Variants in ENOX1 observed in about 807,000 individuals in gnomAD.
ENOX1 encodes candidate growth-related and time keeping constitutive hydroquinone (NADH) oxidase.
Under a neutral mutation model 82.5 loss-of-function variants are expected in ENOX1, and 42 were observed. The ratio of observed to expected loss-of-function variants is 0.51; its 90% CI spans 0.40 to 0.66. The LOEUF is 0.66. Ranked by LOEUF, ENOX1 falls within the 30% of genes least tolerant of loss-of-function variation. The probability of loss-of-function intolerance (pLI) is 0.00; values close to 1 mark genes in which losing one functional copy is unlikely to be tolerated. For missense variants in ENOX1, 608 were observed against 811.6 expected, an observed-to-expected ratio of 0.75 and a Z score of 3.05; for synonymous variants, 271 against 282.2, an observed-to-expected ratio of 0.96 and a Z score of 0.40.
intron 9 of ENOX1, among the ~76,000 whole-genome samples, chr13:43,333,478 C>T (rs567541840): frequency 2.0e-5 from 3 of 152,294 alleles, no homozygotes; most frequent in South Asian, 4.2e-4. Context: ...GTTGTTGGCT[C>T]GATGCTAAGT....
intron 8 of ENOX1, among the ~76,000 whole-genome samples, chr13:43,348,031 C>A (rs560027786): frequency 6.6e-6 from 1 of 152,180 alleles, no homozygotes; most frequent in African/African-American, 2.4e-5. Flanking sequence ...CGTCCGTCCC[C>A]GCTTCCTTTG....
intron 12 of ENOX1, among the ~76,000 whole-genome samples, chr13:43,273,475 A>T (rs2044817072): frequency 6.6e-6 from 1 of 152,162 alleles, no homozygotes; most frequent in African/African-American, 2.4e-5. Flanking sequence ...TGCTTCCATG[A>T]CTTATGACAA....
chr13:43,554,188 T>C (rs2079333410), intron 2 of ENOX1, among the ~76,000 whole-genome samples: 1 of 152,154 alleles, frequency 6.6e-6, no homozygotes, highest in Admixed American at 6.5e-5. Flanking sequence ...CCAAAGAGAT[T>C]TTCCATCCCT....
intron 2 of ENOX1, among the ~76,000 whole-genome samples, chr13:43,521,441 G>A (rs1194962370): frequency 6.6e-6 from 1 of 152,036 alleles, no homozygotes; most frequent in Non-Finnish European, 1.5e-5. Flanking sequence ...CAACCACTGA[G>A]CTGGGCTGGG....
chr13:43,518,187 T>C (rs9533517), intron 2 of ENOX1, among the ~76,000 whole-genome samples: 52,850 of 151,904 alleles, frequency 0.35, 10,892 homozygotes, highest in East Asian at 0.81. Flanking sequence ...AACATGTTGT[T>C]CTCTCTTTTA....
At chr13:43,359,623 C>T (rs2050369745) in intron 7 of ENOX1, 1 of 542,862 alleles carries the variant, frequency 1.8e-6, no homozygotes, top group South Asian at 2.2e-5. Context: ...ATTAGAAACT[C>T]GATGGAATTC....
intron 5 of ENOX1, among the ~76,000 whole-genome samples, chr13:43,372,779 G>A (rs2051327693): frequency 6.6e-6 from 1 of 152,156 alleles, no homozygotes; most frequent in South Asian, 2.1e-4. Flanking sequence ...TACAGGAACT[G>A]TAGATTCTGA....
chr13:43,379,252 C>CATG (rs1566076445), intron 5 of ENOX1, among the ~76,000 whole-genome samples: 1 of 151,730 alleles, frequency 6.6e-6, no homozygotes, highest in Non-Finnish European at 1.5e-5. Flanking sequence ...CCTGTTATAG[C>CATG]AATAGTAAAA....
intron 1 of ENOX1, among the ~76,000 whole-genome samples, chr13:43,693,639 G>A (rs2086484572): frequency 6.6e-6 from 1 of 152,158 alleles, no homozygotes; most frequent in African/African-American, 2.4e-5. Flanking sequence ...CTCTGTCTCT[G>A]AAAGTTTGCC....
At chr13:43,454,410 T>C (rs76228914) in intron 3 of ENOX1, among the ~76,000 whole-genome samples, 2,233 of 152,258 alleles carry the variant, frequency 0.015, 49 homozygotes, top group African/African-American at 0.05. Context: ...GTCCAGCAAC[T>C]GTAACCAGGG....
intron 14 of ENOX1, among the ~76,000 whole-genome samples, chr13:43,259,567 C>T (rs1267693703): frequency 6.6e-6 from 1 of 152,092 alleles, no homozygotes; most frequent in Non-Finnish European, 1.5e-5. Flanking sequence ...CTCGTGAGTC[C>T]CAGTTCAAGC....
At chr13:43,783,654 C>T (rs1239505352) in intron 1 of ENOX1, among the ~76,000 whole-genome samples, 1 of 152,138 alleles carries the variant, frequency 6.6e-6, no homozygotes, top group Non-Finnish European at 1.5e-5. Context: ...ATCCTAAGAG[C>T]ACCTGGCAGC....
rs1335635622 is a variant in ENOX1, at chr13:43,757,596, A to G, written c.-285+29056T>C. Among the ~76,000 whole-genome samples, 5 of 152,246 alleles carry G rather than the reference A, an allele frequency of 3.3e-5. No individual in the cohort carries two copies. The East Asian group carries it at 7.7e-4, about 23-fold the overall frequency. On this transcript the variant is annotated intron_variant, in intron 1 of 16. Coordinates refer to ENST00000690772, the MANE Select transcript of ENOX1 (RefSeq NM_001347969.2). The stretch of plus-strand genomic sequence containing the variant: ...TTTCAGCAAAGAATTAGGGAAATGC[A>G]AATTAAAGCCATAGAGAGGTATCAA...
intron 5 of ENOX1, among the ~76,000 whole-genome samples, chr13:43,389,843 A>G (rs918535813): frequency 1.3e-5 from 2 of 152,228 alleles, no homozygotes; most frequent in Non-Finnish European, 2.9e-5. Flanking sequence ...TCATGGAGCC[A>G]AGACAGTAGG....
intron 14 of ENOX1, among the ~76,000 whole-genome samples, chr13:43,244,790 C>T (rs1489052799): frequency 1.3e-5 from 2 of 152,198 alleles, no homozygotes; most frequent in African/African-American, 4.8e-5. Context: ...CTGCCAGCAG[C>T]ATACCACAAG....
intron 12 of ENOX1, among the ~76,000 whole-genome samples, chr13:43,271,215 CA>C (rs536989491): frequency 1.3e-5 from 2 of 152,088 alleles, no homozygotes; most frequent in Admixed American, 6.6e-5. Context: ...GTGGCAAAAC[CA>C]AAAATAACTG....
chr13:43,502,429 C>A (rs1227656642), intron 2 of ENOX1, among the ~76,000 whole-genome samples: 1 of 151,686 alleles, frequency 6.6e-6, no homozygotes, highest in South Asian at 2.1e-4. Flanking sequence ...AGGCCAATAT[C>A]TCTGTTGAAC....
intron 2 of ENOX1, among the ~76,000 whole-genome samples, chr13:43,657,731 C>T (rs2084511587): frequency 6.6e-6 from 1 of 152,236 alleles, no homozygotes; most frequent in Non-Finnish European, 1.5e-5. Flanking sequence ...TCTGTCTATA[C>T]ATACCAGACA....
At chr13:43,367,114 C>G (rs935286770) in intron 5 of ENOX1, among the ~76,000 whole-genome samples, 3 of 152,140 alleles carry the variant, frequency 2.0e-5, no homozygotes, top group Admixed American at 1.3e-4. Context: ...CAATGTTCTT[C>G]CTTCACAGAT....
Sources: gnomAD v4.1 joint callset for allele counts (sites outside exome capture counted in the v4.1 genomes callset) on GRCh38, gnomAD v4.1.1 for gene constraint, MANE v1.5 for transcripts, NCBI Gene and HGNC (gene_info 2026-07-23, HGNC 2026-07-21) for gene names.